Variants in GPR149 observed in about 807,000 individuals in gnomAD.
GPR149 encodes the protein probable G protein-coupled receptor 149.
A neutral mutation model predicts 50.2 loss-of-function variants in GPR149; 50 were observed. That is an observed-to-expected ratio of 1.00 (90% CI 0.79 to 1.26). The LOEUF (loss-of-function observed/expected upper bound fraction) is 1.26, where lower values mean the gene tolerates loss of function less well. Ranked by LOEUF, GPR149 falls within the 50% of genes most tolerant of loss-of-function variation. The pLI, the probability that GPR149 is intolerant of heterozygous loss-of-function variation, is 0.00. For missense variants in GPR149, 983 were observed against 895.4 expected (o/e 1.10, Z -1.25); for synonymous variants, 405 against 358.2 (o/e 1.13, Z -1.48).
rs1246515067 is a variant in GPR149 at position 154,335,168 on chromosome 3, A to C, written c.*2531T>G. ...ATAAGTTTTTGCCTTCAGATACATC[A>C]ATTTATAGAGAAAAGAGAAAACTAT... On this transcript the variant is annotated 3_prime_UTR_variant, in exon 4 of 4. Transcript: ENST00000389740. The C allele has an allele frequency of 1.3e-5, 2 of 152,102 alleles. No homozygotes were observed. The highest frequency in any genetic ancestry group is 2.4e-5 in the African/African-American group (1 of 41,416). The allele number at this position is 152,102 out of a possible 1,614,324, so 9.4% of individuals were successfully genotyped here. A position where few individuals can be genotyped will look rare whatever the true frequency, so the allele number is the denominator to read the frequency against.
intron 3 of GPR149, among the ~76,000 whole-genome samples, chr3:154,403,920 T>C (rs991475256): frequency 6.6e-6 from 1 of 152,226 alleles, no homozygotes; most frequent in African/African-American, 2.4e-5. Flanking sequence ...TACTGAGTAC[T>C]TGAGCTGTGG....
chr3:154,348,456 T>C (rs200709854), intron 3 of GPR149, among the ~76,000 whole-genome samples: 1 of 152,148 alleles, frequency 6.6e-6, no homozygotes, highest in East Asian at 1.9e-4. Flanking sequence ...AGAGTGGCTA[T>C]AGTGATATCA....
chr3:154,425,788 T>C (rs988446079), intron 2 of GPR149, among the ~76,000 whole-genome samples: 1 of 152,174 alleles, frequency 6.6e-6, no homozygotes, highest in African/African-American at 2.4e-5. Context: ...TGACTGTTGA[T>C]TCTGCTAGCC....
At position 154,374,122 on chromosome 3, in the gene GPR149, A is replaced by G. The variant is rs114660284; in HGVS notation, c.1624-35851T>C. ...AATCATATATCTGAAGTGACCAACA[A>G]AAGTCTTTTTTTCCTTCTATTTTCT... On this transcript the variant is annotated intron_variant, in intron 3 of 3. Transcript: ENST00000389740. 6.2e-3 allele frequency among the ~76,000 whole-genome samples: 929 copies of G among 148,930 alleles called. 2 individuals carry two copies. The highest frequency in any genetic ancestry group is 0.011 in the Non-Finnish European group (708 of 67,148).
chr3:154,428,942 A>C lies in GPR149; in HGVS notation c.674T>G (p.Leu225Arg). The C allele has an allele frequency of 6.2e-7, 1 of 1,614,070 alleles. No individual in the cohort carries two copies. The highest frequency in any genetic ancestry group is 8.5e-7 in the Non-Finnish European group (1 of 1,179,986). Residue 225 changes from leucine (L) to arginine (R), a missense_variant, in exon 1 of 4, where the codon CTC becomes CGC. Leu to Arg is a moderately radical substitution (Grantham distance 102). Transcript: ENST00000389740. ...GGAAATTTCCTGGTAGTTGGAGTGG[A>C]GTCTCGGCGGCTCCTCCGAACACAG... is the stretch of plus-strand genomic sequence containing the variant. ...RLLCSEEPPR[L>R]HSNYQEISRG...
At chr3:154,346,290 T>G (rs1421072297) in intron 3 of GPR149, among the ~76,000 whole-genome samples, 2 of 152,162 alleles carry the variant, frequency 1.3e-5, no homozygotes, top group Non-Finnish European at 2.9e-5. Flanking sequence ...AAAACAAAAG[T>G]AGATTTTTAA....
At chr3:154,420,709 T>C (rs1712117409) in intron 3 of GPR149, among the ~76,000 whole-genome samples, 1 of 151,912 alleles carries the variant, frequency 6.6e-6, no homozygotes, top group Non-Finnish European at 1.5e-5. Flanking sequence ...AAATAAAATA[T>C]ACAAATTAAA....
chr3:154,362,742 AT>A (rs397760704), intron 3 of GPR149, among the ~76,000 whole-genome samples: 16 of 151,936 alleles, frequency 1.1e-4, no homozygotes, highest in Non-Finnish European at 1.3e-4. Flanking sequence ...TTATTATTAT[AT>A]TTTTTTATTA....
At chr3:154,379,483 T>C (rs116359009) in intron 3 of GPR149, among the ~76,000 whole-genome samples, 186 of 152,264 alleles carry the variant, frequency 1.2e-3, no homozygotes, top group African/African-American at 4.2e-3. Flanking sequence ...TTATGGATTG[T>C]GCTTTTGGTG....
At chr3:154,367,547 T>C (rs1714558775) in intron 3 of GPR149, among the ~76,000 whole-genome samples, 1 of 152,206 alleles carries the variant, frequency 6.6e-6, no homozygotes, top group Non-Finnish European at 1.5e-5. Flanking sequence ...GTTAATTGTC[T>C]TTGTTTCTTG....
chr3:154,376,756 T>A (rs1330899912), intron 3 of GPR149, among the ~76,000 whole-genome samples: 1 of 152,146 alleles, frequency 6.6e-6, no homozygotes, highest in African/African-American at 2.4e-5. Flanking sequence ...AAACACTCCC[T>A]CTCTTGCACT....
chr3:154,390,339 A>G (rs1715142360), intron 3 of GPR149, among the ~76,000 whole-genome samples: 1 of 152,206 alleles, frequency 6.6e-6, no homozygotes, highest in African/African-American at 2.4e-5. Context: ...AGAACAAAGC[A>G]TATAAACAAA....
chr3:154,377,605 A>G (rs1714823666), intron 3 of GPR149, among the ~76,000 whole-genome samples: 1 of 151,906 alleles, frequency 6.6e-6, no homozygotes, highest in Non-Finnish European at 1.5e-5. Context: ...ACCTCACGTG[A>G]TCCCTTCGTC....
intron 3 of GPR149, among the ~76,000 whole-genome samples, chr3:154,375,630 A>G (rs2136838): frequency 0.25 from 38,105 of 152,140 alleles, 5,717 homozygotes; most frequent in East Asian, 0.67. Flanking sequence ...ATAGACAGAT[A>G]TTCATGTCCC....
intron 3 of GPR149, among the ~76,000 whole-genome samples, chr3:154,363,483 T>C (rs1714461780): frequency 6.6e-6 from 1 of 152,086 alleles, no homozygotes; most frequent in Non-Finnish European, 1.5e-5. Context: ...AAACACTGTG[T>C]CCTCTCATAG....
chr3:154,376,413 C>A (rs950857798), intron 3 of GPR149, among the ~76,000 whole-genome samples: 4 of 151,958 alleles, frequency 2.6e-5, no homozygotes, highest in Admixed American at 2.6e-4. Context: ...GTCAATTTTC[C>A]CTGTTCAGGT....
chr3:154,377,762 T>C (rs1027589015), intron 3 of GPR149, among the ~76,000 whole-genome samples: 2 of 152,170 alleles, frequency 1.3e-5, no homozygotes, highest in African/African-American at 4.8e-5. Flanking sequence ...TGATATTTAG[T>C]AAATTTATAG....
chr3:154,349,510 C>G (rs949208438), intron 3 of GPR149, among the ~76,000 whole-genome samples: 2 of 152,118 alleles, frequency 1.3e-5, no homozygotes. Flanking sequence ...AGATTGATCC[C>G]TTGTAAAACA....
intron 3 of GPR149, chr3:154,352,686 T>A: frequency 1.3e-6 from 1 of 781,134 alleles, no homozygotes; most frequent in Non-Finnish European, 2.4e-6. Context: ...CTTCTATCAG[T>A]CTCTGAGCTG....
Sources: allele counts gnomAD v4.1 joint callset (sites outside exome capture counted in the v4.1 genomes callset), GRCh38; gene constraint gnomAD v4.1.1; transcripts MANE v1.5; gene names NCBI Gene and HGNC (gene_info 2026-07-23, HGNC 2026-07-21).